Variants in CUX1 observed in about 807,000 individuals in gnomAD.
The protein encoded by CUX1 is protein CASP.
CUX1 carries 31 observed loss-of-function variants against 158.8 expected under a neutral mutation model. The observed-to-expected ratio is 0.20, with a 90% CI of 0.15 to 0.26. CUX1 has a LOEUF of 0.26. Ranked by LOEUF, CUX1 falls within the 10% of genes least tolerant of loss-of-function variation. CUX1 has a pLI of 1.00. For missense variants in CUX1, 1,589 were observed against 2,014.6 expected (o/e 0.79, Z 4.04); for synonymous variants, 879 against 862.1 (o/e 1.02, Z -0.34).
At chr7:101,969,679 T>C (rs1174112539) in intron 2 of CUX1, among the ~76,000 whole-genome samples, 6 of 152,198 alleles carry the variant, frequency 3.9e-5, no homozygotes, top group African/African-American at 1.4e-4. Flanking sequence ...TGAAGCTGAA[T>C]TTTAAGCCTC....
chr7:102,204,323 G>A (rs1305595201), intron 18 of CUX1, 68 bp from the exon 19 acceptor site: 2 of 1,579,762 alleles, frequency 1.3e-6, no homozygotes, highest in African/African-American at 1.3e-5. Context: ...GGTGTGCATT[G>A]CAGCAGCATC....
At position 102,251,422 on chromosome 7, in the gene CUX1, A is replaced by C; in HGVS notation, c.*2380A>C. ...AACCTGCAGCTGCAGCACTTAGTTC[A>C]CGTTTTCACAAATTTCAAGAGTCAC... is the stretch of plus-strand genomic sequence containing the variant. On this transcript the variant is annotated 3_prime_UTR_variant, in exon 24 of 24. Coordinates refer to ENST00000292535, the MANE Select transcript of CUX1 (RefSeq NM_181552.4). 3 of 985,366 alleles carry C rather than the reference A, an allele frequency of 3.0e-6. No homozygotes were observed. Among genetic ancestry groups the C allele is most frequent in the Non-Finnish European group, 3.6e-6 (3 of 829,912 alleles). 61.0% of individuals were successfully genotyped at this position (985,366 alleles called of 1,614,324 possible).
At chr7:102,262,623 T>C (rs1790487975), downstream of CUX1, among the ~76,000 whole-genome samples, 1 of 152,184 alleles carries the variant, frequency 6.6e-6, no homozygotes. Flanking sequence ...GGGTCTTTAG[T>C]CTCCTCTAAC....
chr7:102,139,244 T>TAAAAA (rs11459794), intron 8 of CUX1, among the ~76,000 whole-genome samples: 1 of 93,136 alleles, frequency 1.1e-5, no homozygotes, highest in Non-Finnish European at 2.0e-5. Flanking sequence ...GACTACATCT[T>TAAAAA]AAAAAAAAAA....
rs571867049 is a variant in CUX1 at position 101,930,867 on chromosome 7, C to T, written c.141+14642C>T. Among the ~76,000 whole-genome samples, 28 of 152,288 alleles carry T rather than the reference C, an allele frequency of 1.8e-4. No individual in the cohort carries two copies. In the Middle Eastern group the frequency reaches 0.01, roughly 55 times the overall value. ...ATCCCAGCACTTTGGGAGGCTGAGG[C>T]GGACGGGTCACTTGAGGCTGGGAGT... is the stretch of plus-strand genomic sequence containing the variant. On this transcript the variant is annotated intron_variant, in intron 2 of 23. Transcript: ENST00000292535.
chr7:101,842,514 A>G (rs1795278698), intron 1 of CUX1, among the ~76,000 whole-genome samples: 1 of 152,132 alleles, frequency 6.6e-6, no homozygotes, highest in African/African-American at 2.4e-5. Context: ...CAGCCTCCCA[A>G]GAAGCGAGAA....
At chr7:102,220,448 G>T (rs1037495404) in intron 20 of CUX1, among the ~76,000 whole-genome samples, 2 of 152,248 alleles carry the variant, frequency 1.3e-5, no homozygotes, top group African/African-American at 4.8e-5. Context: ...CCACCAGGGG[G>T]TGTGGTCTGT....
intron 2 of CUX1, among the ~76,000 whole-genome samples, chr7:101,997,967 G>A (rs1816181333): frequency 1.3e-5 from 2 of 152,218 alleles, no homozygotes; most frequent in African/African-American, 2.4e-5. Flanking sequence ...AGGGGTTCCT[G>A]TGCCACCAGA....
rs782427741 is a variant in CUX1, at chr7:102,082,500, C to T, written c.268+12083C>T. ...CGCCACTGCACTCCAGCCTGGGCAA[C>T]AGAGCGAGACTGTCTAAAAATAAAT... On this transcript the variant is annotated intron_variant, in intron 4 of 23. Transcript: ENST00000292535. 7.5e-5 allele frequency among the ~76,000 whole-genome samples: 11 copies of T among 147,310 alleles called. 4 individuals carry two copies. The highest frequency in any genetic ancestry group is 1.5e-4 in the Non-Finnish European group (10 of 65,188).
At chr7:101,976,483 G>A (rs1812701058) in intron 2 of CUX1, among the ~76,000 whole-genome samples, 1 of 152,138 alleles carries the variant, frequency 6.6e-6, no homozygotes, top group East Asian at 1.9e-4. Context: ...AACCCAGACG[G>A]GGGCAGGAGT....
intron 1 of CUX1, among the ~76,000 whole-genome samples, chr7:101,896,051 G>A (rs1009457040): frequency 2.0e-5 from 3 of 151,504 alleles, no homozygotes; most frequent in Admixed American, 6.6e-5. Flanking sequence ...TGCACTTGGC[G>A]TATTTATTTA....
chr7:102,259,614 C>T (rs1225159074), downstream of CUX1, among the ~76,000 whole-genome samples: 1 of 151,790 alleles, frequency 6.6e-6, no homozygotes, highest in Non-Finnish European at 1.5e-5. Flanking sequence ...AAAAAAATAA[C>T]CCTAAGAACT....
chr7:102,052,056 A>AT (rs1318247886), intron 3 of CUX1, among the ~76,000 whole-genome samples: 1 of 152,122 alleles, frequency 6.6e-6, no homozygotes, highest in Admixed American at 6.6e-5. Context: ...TACTAAAAAA[A>AT]CGAAGTACAA....
chr7:101,912,799 G>A (rs988006776), intron 1 of CUX1, among the ~76,000 whole-genome samples: 6 of 152,160 alleles, frequency 3.9e-5, no homozygotes, highest in South Asian at 4.1e-4. Flanking sequence ...GGGCTAAACC[G>A]ACAGGGTATT....
intron 4 of CUX1, among the ~76,000 whole-genome samples, chr7:102,095,095 G>T (rs782707307): frequency 2.6e-5 from 4 of 151,860 alleles, no homozygotes. Flanking sequence ...GACCTCAAGG[G>T]CTCAAGGACT....
chr7:101,847,337 T>A (rs530398631), intron 1 of CUX1, among the ~76,000 whole-genome samples: 25 of 152,308 alleles, frequency 1.6e-4, no homozygotes, highest in Middle Eastern at 3.4e-3. Context: ...GATAAGAACC[T>A]GGGGTTTTGG....
intron 8 of CUX1, among the ~76,000 whole-genome samples, chr7:102,117,626 C>T (rs1010979034): frequency 6.6e-6 from 1 of 152,138 alleles, no homozygotes; most frequent in Non-Finnish European, 1.5e-5. Flanking sequence ...CCTCTCTCCT[C>T]CCACCAGCCA....
downstream of CUX1, chr7:102,258,238 G>A (rs1329747133): frequency 1.0e-6 from 1 of 960,886 alleles, no homozygotes; most frequent in Non-Finnish European, 1.2e-6. Flanking sequence ...ACACAAGAAT[G>A]TGTGGGTTGT....
chr7:102,119,021 A>G (rs111908978), intron 8 of CUX1, among the ~76,000 whole-genome samples: 35,924 of 152,102 alleles, frequency 0.24, 4,574 homozygotes, highest in Non-Finnish European at 0.29. Context: ...AAGTGCTGGG[A>G]TTACAGGCGT....
Sources: gnomAD v4.1 joint callset for allele counts (sites outside exome capture counted in the v4.1 genomes callset) on GRCh38, gnomAD v4.1.1 for gene constraint, MANE v1.5 for transcripts, NCBI Gene and HGNC (gene_info 2026-07-23, HGNC 2026-07-21) for gene names.